The following WDFY4 variants were observed in gnomAD, a reference collection of about 807,000 sequenced individuals.
WDFY4 encodes WDFY family member 4, also known as WD repeat- and FYVE domain-containing protein 4.
In WDFY4, 169 loss-of-function variants were observed where a neutral mutation model predicts 351.9. The ratio of observed to expected loss-of-function variants is 0.48; its 90% CI spans 0.42 to 0.55. The LOEUF (loss-of-function observed/expected upper bound fraction) is 0.55, where lower values mean the gene tolerates loss of function less well. Ranked by LOEUF, WDFY4 falls within the 20% of genes least tolerant of loss-of-function variation. WDFY4 has a pLI of 0.00. For missense variants in WDFY4, 3,803 were observed against 3,935.6 expected (o/e 0.97, Z 0.90); for synonymous variants, 1,622 against 1,574.6 (o/e 1.03, Z -0.71).
intron 53 of WDFY4, among the ~76,000 whole-genome samples, chr10:48,960,918 T>C (rs1841829662): frequency 6.6e-6 from 1 of 152,176 alleles, no homozygotes; most frequent in South Asian, 2.1e-4. Context: ...GTTCCTAAGA[T>C]CTGAAGTAGG....
chr10:48,940,500 T>A (rs1840696606), intron 47 of WDFY4, among the ~76,000 whole-genome samples: 2 of 152,086 alleles, frequency 1.3e-5, no homozygotes, highest in South Asian at 4.2e-4. Flanking sequence ...AGCAGCACTG[T>A]CCCCCTGGGA....
In WDFY4 at chr10:48,775,772, A is replaced by T. The variant is rs2066011739; in HGVS notation, c.2829A>T (p.Ser943=). Residue 943 remains serine (S), a synonymous_variant, in exon 15 of 62, where the codon TCA becomes TCT. Transcript: ENST00000325239. The part of the protein sequence containing the change: ...SLSATTKILD[S]SHTHRGNPGC... ...CGGCCACAACAAAAATCCTTGATTC[A>T]TCTCACACACACAGAGGCAACCCTG... 1 of 1,551,768 alleles carries T rather than the reference A, an allele frequency of 6.4e-7. No homozygotes were observed.
At position 48,871,136 on chromosome 10, in the gene WDFY4, C is replaced by T. The variant is rs149910632; in HGVS notation, c.6742-2355C>T. 1.5e-3 allele frequency among the ~76,000 whole-genome samples: 222 copies of T among 152,208 alleles called. 3 individuals are homozygous for T. In the East Asian group the frequency reaches 0.039, roughly 27 times the overall value. The stretch of plus-strand genomic sequence containing the variant: ...TTTTTTAGAAGAGACGGGGTTTCAC[C>T]GTGTTAGCCAGGATGGTCTCGATCT... On this transcript the variant is annotated intron_variant, in intron 40 of 61. Coordinates refer to ENST00000325239, the MANE Select transcript of WDFY4 (RefSeq NM_001394531.1).
At chr10:48,725,796 C>T (rs2064248386) in intron 5 of WDFY4, 85 bp from the exon 6 acceptor site, 4 of 1,322,268 alleles carry the variant, frequency 3.0e-6, no homozygotes, top group Non-Finnish European at 3.1e-6. Context: ...CTCATCAGTG[C>T]TCCAGAGAAG....
chr10:48,830,630 A>G (rs1488776914), intron 37 of WDFY4, 70 bp from the exon 38 acceptor site: 2 of 1,490,276 alleles, frequency 1.3e-6, no homozygotes, highest in East Asian at 2.5e-5. Flanking sequence ...CTCATGATGC[A>G]CCATCTCCCA....
rs998578701 is a variant in WDFY4 at position 48,981,326 on chromosome 10, C to G, written c.9377-41C>G. On this transcript the variant is annotated intron_variant, in intron 60 of 61. Coordinates refer to ENST00000325239, the MANE Select transcript of WDFY4 (RefSeq NM_001394531.1). ...CAGATGCACACTGTATGTGCGAAGC[C>G]GATCTGGCGTTCTAACTCTTCTCTC... The G allele has an allele frequency of 7.2e-6, 11 of 1,537,066 alleles. 1 individual carries two copies. The Admixed American group carries it at 1.2e-4, about 16-fold the overall frequency.
Position 48,897,574 on chromosome 10 carries a change from G to C in WDFY4, c.7437G>C (p.Gln2479His). The C allele has an allele frequency of 1.3e-6, 2 of 1,545,888 alleles. No individual in the cohort carries two copies. The highest frequency in any genetic ancestry group is 1.7e-6 in the Non-Finnish European group (2 of 1,146,814). Residue 2479 changes from glutamine to histidine, a missense_variant and splice_region_variant, in exon 45 of 62, where the codon CAG becomes CAC. Coordinates refer to ENST00000325239, the MANE Select transcript of WDFY4 (RefSeq NM_001394531.1). ...TACGGCAGGCTCGCTTCCTCCTGCA[G>C]GTAAGCACACTGGGTGCTGGCACGC... The part of the protein sequence containing the change: ...RELRQARFLL[Q>H]DIALEIFFHN...
chr10:48,913,295 G>T, intron 47 of WDFY4: 3 of 1,158,622 alleles, frequency 2.6e-6, no homozygotes, highest in Non-Finnish European at 3.7e-6. Context: ...AGCTGCTGCA[G>T]CCACAGGGGA....
Position 48,822,542 on chromosome 10 carries a change from G to A in WDFY4, c.5982+5G>A. ...ATCCTGGAGCACATCATGGTGGTAA[G>A]AGCTGCTCACTGACCGGGTATCTGT... On this transcript the variant is annotated splice_donor_5th_base_variant and intron_variant, in intron 35 of 61. Coordinates refer to ENST00000325239, the MANE Select transcript of WDFY4 (RefSeq NM_001394531.1). The A allele has an allele frequency of 6.5e-7, 1 of 1,528,306 alleles. No homozygotes were observed. The highest frequency in any genetic ancestry group is 8.8e-7 in the Non-Finnish European group (1 of 1,132,164). The allele number at this position is 1,528,306 out of a possible 1,614,324, so 94.7% of individuals were successfully genotyped here. A position where few individuals can be genotyped will look rare whatever the true frequency, so the allele number is the denominator to read the frequency against.
intron 12 of WDFY4, among the ~76,000 whole-genome samples, chr10:48,750,049 G>A (rs1278625608): frequency 3.9e-5 from 6 of 152,222 alleles, no homozygotes; most frequent in Non-Finnish European, 7.3e-5. Context: ...CACTCTGCAG[G>A]CCAGAGCCCT....
chr10:48,971,483 G>A (rs1003869819), intron 57 of WDFY4, among the ~76,000 whole-genome samples: 3 of 150,084 alleles, frequency 2.0e-5, no homozygotes, highest in Non-Finnish European at 4.4e-5. Context: ...GTGACAGAGC[G>A]AGACTCTGTC....
chr10:48,953,650 GGTTGTCAGCCT>G (rs1841448379), intron 51 of WDFY4, among the ~76,000 whole-genome samples: 1 of 152,212 alleles, frequency 6.6e-6, no homozygotes, highest in African/African-American at 2.4e-5. Context: ...AGTGAGAATG[GGTTGTCAGCCT>G]GCTGATAAAA....
At chr10:48,959,320 G>A (rs1319819633) in intron 52 of WDFY4, among the ~76,000 whole-genome samples, 1 of 152,194 alleles carries the variant, frequency 6.6e-6, no homozygotes, top group East Asian at 1.9e-4. Context: ...CCTAGCTCCT[G>A]GCGTGGAGTG....
rs1479590172 is a variant in WDFY4 at position 48,830,578 on chromosome 10, T to C, written c.6341-122T>C. ...CTCGCTGAAGCTTGCAAAGCTGGGG[T>C]GATGTTCAAGACCTTAAGTGAGAAG... On this transcript the variant is annotated intron_variant, in intron 37 of 61. Transcript: ENST00000325239. 7 of 1,085,672 alleles carry C rather than the reference T, an allele frequency of 6.4e-6. No individual in the cohort carries two copies. In the Admixed American group the frequency reaches 8.0e-5, roughly 12 times the overall value. 67.3% of individuals were successfully genotyped at this position (1,085,672 alleles called of 1,614,324 possible). A position where few individuals can be genotyped will look rare whatever the true frequency, so the allele number is the denominator to read the frequency against.
chr10:48,843,845 G>C (rs1194262522), intron 39 of WDFY4, among the ~76,000 whole-genome samples: 1 of 152,224 alleles, frequency 6.6e-6, no homozygotes, highest in Non-Finnish European at 1.5e-5. Context: ...AAAATTATGA[G>C]TTATGAGGAA....
At position 48,884,921 on chromosome 10, in the gene WDFY4, T is replaced by A. The variant is rs185444668; in HGVS notation, c.7168-5658T>A. On this transcript the variant is annotated intron_variant, in intron 43 of 61. Transcript: ENST00000325239. ...CTGCTCTCTTTCTTTCCTGTTAGGT[T>A]GTAAACATCTTAAAGGCATGTCTTA... Among the ~76,000 whole-genome samples the A allele has an allele frequency of 3.9e-3, 593 of 152,348 alleles. 2 individuals are homozygous for A. The highest frequency in any genetic ancestry group is 6.3e-3 in the Non-Finnish European group (429 of 68,038).
At chr10:48,740,564 G>A (rs1446623386) in intron 11 of WDFY4, among the ~76,000 whole-genome samples, 1 of 152,170 alleles carries the variant, frequency 6.6e-6, no homozygotes, top group Admixed American at 6.5e-5. Context: ...CCACCATCCT[G>A]GAGGAACCTA....
intron 44 of WDFY4, among the ~76,000 whole-genome samples, chr10:48,894,684 G>T (rs755708746): frequency 2.0e-5 from 3 of 152,228 alleles, no homozygotes; most frequent in Non-Finnish European, 4.4e-5. Context: ...GCCTTGTAGG[G>T]TCTGCAGGGG....
At chr10:48,868,509 T>C (rs1015147136) in intron 40 of WDFY4, among the ~76,000 whole-genome samples, 7 of 152,182 alleles carry the variant, frequency 4.6e-5, no homozygotes, top group Admixed American at 1.3e-4. Flanking sequence ...GGGTAGGGTG[T>C]CTTGCTGGCC....
Sources: allele counts gnomAD v4.1 joint callset (sites outside exome capture counted in the v4.1 genomes callset), GRCh38; gene constraint gnomAD v4.1.1; transcripts MANE v1.5; gene names NCBI Gene and HGNC (gene_info 2026-07-23, HGNC 2026-07-21).